Variants in CELSR3 observed in about 807,000 individuals in gnomAD.
The protein encoded by CELSR3 is EGF-like protein 1.
Under a neutral mutation model 270.0 loss-of-function variants are expected in CELSR3, and 73 were observed. The observed-to-expected ratio is 0.27, with a 90% confidence interval of 0.22 to 0.33. The LOEUF is 0.33. Ranked by LOEUF, CELSR3 falls within the 10% of genes least tolerant of loss-of-function variation. The pLI, the probability that CELSR3 is intolerant of heterozygous loss-of-function variation, is 1.00. For missense variants in CELSR3, 3,614 were observed against 4,533.8 expected (o/e 0.80, Z 5.83); for synonymous variants, 1,780 against 1,905.4 (o/e 0.93, Z 1.71).
rs2047083958 is a variant in CELSR3 at position 48,646,332 on chromosome 3, A to G, written c.7296-75T>C. Reference sequence around the variant, plus strand: ...AGCCTGCTTGCCTCACCCCGTCTTCATGCCACTCGCCAGGGCTGACCCAGG... The same window carrying G: ...AGCCTGCTTGCCTCACCCCGTCTTCGTGCCACTCGCCAGGGCTGACCCAGG... On this transcript the variant is annotated intron_variant, in intron 21 of 34. Transcript: ENST00000164024. This position sits in a 1 kb window ranked among gnomAD's most constrained non-coding sequence, Gnocchi z 4.8. The G allele has an allele frequency of 1.4e-6, 2 of 1,473,420 alleles. No individual in the cohort carries two copies. Among genetic ancestry groups the G allele is most frequent in the East Asian group, 4.8e-5 (2 of 41,364 alleles). 91.3% of individuals were successfully genotyped at this position (1,473,420 alleles called of 1,614,324 possible).
Position 48,647,980 on chromosome 3 carries a change from G to C in CELSR3, c.6990C>G (p.Arg2330=). The C allele has an allele frequency of 6.2e-7, 1 of 1,612,052 alleles. No individual in the cohort carries two copies. Among genetic ancestry groups the C allele is most frequent in the Non-Finnish European group, 8.5e-7 (1 of 1,179,664 alleles). Residue 2330 remains arginine (R), a synonymous_variant, in exon 20 of 35, where the codon CGC becomes CGG. Coordinates refer to ENST00000164024, the MANE Select transcript of CELSR3 (RefSeq NM_001407.3). ...CCCGGGGAGAACTGGGGTGCTCCAT[G>C]CGGTCAATGCTGAGCACTACCCAGG... ...VTPNIMLSID[R]MEHPSSPRGA...
Position 48,659,718 on chromosome 3 carries a change from C to T in CELSR3, c.2917G>A (p.Asp973Asn), listed in dbSNP as rs2077052452. The T allele has an allele frequency of 6.2e-7, 1 of 1,614,090 alleles. No individual in the cohort carries two copies. The highest frequency in any genetic ancestry group is 1.3e-5 in the African/African-American group (1 of 74,940). ...ASHYTGLVSEDAPPFTSVLQI... is the reference protein window; with the variant it reads ...ASHYTGLVSENAPPFTSVLQI... ...AGGACACTGGTGAAAGGTGGGGCAT[C>T]CTCAGAGACCAGCCCTGTATAGTGG... The change falls in exon 1 of 35, where the codon GAT becomes AAT. Residue 973 changes from aspartate to asparagine, a missense_variant. By Grantham distance (23) the Asp-to-Asn change is conservative (BLOSUM62 1). This residue lies in a region of CELSR3 where 1,331 missense variants were observed against 1,933.7 expected (regional missense o/e 0.69). Coordinates refer to ENST00000164024, the MANE Select transcript of CELSR3 (RefSeq NM_001407.3). The surrounding 1 kb of genome is among the most constrained non-coding windows in gnomAD (Gnocchi z 8.1).
At position 48,657,895 on chromosome 3, in the gene CELSR3, C is replaced by T. The variant is rs756261479; in HGVS notation, c.3749-547G>A. Among the ~76,000 whole-genome samples the T allele has an allele frequency of 1.3e-5, 2 of 152,206 alleles. No homozygotes were observed. The highest frequency in any genetic ancestry group is 1.5e-5 in the Non-Finnish European group (1 of 68,040). The stretch of plus-strand genomic sequence containing the variant: ...CTCTTCCATGACACTAGAAGGGGCC[C>T]TGGCCCAGTGAAGACTCAATGCCAT... On this transcript the variant is annotated intron_variant, in intron 1 of 34. Coordinates refer to ENST00000164024, the MANE Select transcript of CELSR3 (RefSeq NM_001407.3). This position sits in a 1 kb window ranked among gnomAD's most constrained non-coding sequence, Gnocchi z 5.4.
chr3:48,659,796 C>T lies in CELSR3; in HGVS notation c.2839G>A (p.Val947Met). The change falls in exon 1 of 35, where the codon GTG becomes ATG. Residue 947 changes from valine to methionine, a missense_variant. Val to Met is a conservative substitution (Grantham distance 21, BLOSUM62 1). Coordinates refer to ENST00000164024, the MANE Select transcript of CELSR3 (RefSeq NM_001407.3). This position sits in a 1 kb window ranked among gnomAD's most constrained non-coding sequence, Gnocchi z 8.1. ...TTCACGTCATTGACCATCACCTCCA[C>T]ATAAGTAGTGTCTGCCTTCTGTGGG... ...GIPQKADTTYVEVMVNDVNDN... is the reference protein window; with the variant it reads ...GIPQKADTTYMEVMVNDVNDN... The T allele has an allele frequency of 6.2e-7, 1 of 1,614,234 alleles. No individual in the cohort carries two copies. Among genetic ancestry groups the T allele is most frequent in the Non-Finnish European group, 8.5e-7 (1 of 1,180,044 alleles).
chr3:48,656,439 G>A, intron 2 of CELSR3, 74 bp from the exon 3 acceptor site: 2 of 1,311,986 alleles, frequency 1.5e-6, no homozygotes, highest in South Asian at 1.8e-5. Context: ...AAGACCGCGC[G>A]CCCAGAGGCC....
Position 48,640,653 on chromosome 3 carries a change from C to T in CELSR3, c.9026-94G>A, listed in dbSNP as rs1042143314. The T allele has an allele frequency of 7.5e-7, 1 of 1,336,308 alleles. No individual in the cohort carries two copies. Among genetic ancestry groups the T allele is most frequent in the African/African-American group, 1.5e-5 (1 of 67,542 alleles). 82.8% of individuals were successfully genotyped at this position (1,336,308 alleles called of 1,614,324 possible). The stretch of plus-strand genomic sequence containing the variant: ...CTAGGGGTGTGGCAGCCCTTGGGAT[C>T]CTTCCAACACAGGGATGGGAGCAGG... On this transcript the variant is annotated intron_variant, in intron 33 of 34. Coordinates refer to ENST00000164024, the MANE Select transcript of CELSR3 (RefSeq NM_001407.3). The surrounding 1 kb of genome is among the most constrained non-coding windows in gnomAD (Gnocchi z 7.5).
rs766281381 is a variant in CELSR3 at position 48,659,055 on chromosome 3, G to A, written c.3580C>T (p.Arg1194Cys). Residue 1194 changes from arginine to cysteine, a missense_variant, in exon 1 of 35, where the codon CGC (arginine) becomes TGC (cysteine). By Grantham distance (180) the Arg-to-Cys change is radical. Transcript: ENST00000164024. The surrounding 1 kb of genome is among the most constrained non-coding windows in gnomAD (Gnocchi z 8.1). ...ACATCGGGGTCATAAGCTGGGATGC[G>A]CCCAATAATGCCCGACGGGAAGGTG... ...SDTFPSGIIG[R>C]IPAYDPDVSD... 5.6e-6 allele frequency: 9 copies of A among 1,614,144 alleles called. No individual in the cohort carries two copies. Among genetic ancestry groups the A allele is most frequent in the South Asian group, 3.3e-5 (3 of 91,078 alleles).
rs534953847 is a variant in CELSR3 at position 48,655,679 on chromosome 3, G to A, written c.4741+57C>T. 158 of 1,436,824 alleles carry A rather than the reference G, an allele frequency of 1.1e-4. 1 individual carries two copies. The East Asian group carries it at 3.5e-3, about 32-fold the overall frequency. 89.0% of individuals were successfully genotyped at this position (1,436,824 alleles called of 1,614,324 possible). A position where few individuals can be genotyped will look rare whatever the true frequency, so the allele number is the denominator to read the frequency against. On this transcript the variant is annotated intron_variant, in intron 4 of 34. Coordinates refer to ENST00000164024, the MANE Select transcript of CELSR3 (RefSeq NM_001407.3). This position sits in a 1 kb window ranked among gnomAD's most constrained non-coding sequence, Gnocchi z 5.8. ...AGTGAAGCAAACCTGAGGGGACTTG[G>A]GCCCTGCGTCCTCCAGCACACACGC...
In CELSR3 at chr3:48,659,044, A is replaced by G; in HGVS notation, c.3591T>C (p.Ala1197=). The G allele has an allele frequency of 6.2e-7, 1 of 1,614,206 alleles. No individual in the cohort carries two copies. Among genetic ancestry groups the G allele is most frequent in the African/African-American group, 1.3e-5 (1 of 75,040 alleles). Residue 1197 remains alanine, a synonymous_variant, in exon 1 of 35, where the codon GCT becomes GCC. Coordinates refer to ENST00000164024, the MANE Select transcript of CELSR3 (RefSeq NM_001407.3). This position sits in a 1 kb window ranked among gnomAD's most constrained non-coding sequence, Gnocchi z 8.1. ...GGTGGTCGGAGACATCGGGGTCATA[A>G]GCTGGGATGCGCCCAATAATGCCCG... ...FPSGIIGRIP[A]YDPDVSDHLF... is the part of the protein sequence containing the mutation.
At chr3:48,656,025 G>A in intron 3 of CELSR3, 115 bp downstream of exon 3, 1 of 1,253,664 alleles carries the variant, frequency 8.0e-7, no homozygotes, top group Non-Finnish European at 1.1e-6. Flanking sequence ...CGGGCGGGGC[G>A]TCAGGGGAGG....
chr3:48,656,333 G>T lies in CELSR3; in HGVS notation c.4432C>A (p.Arg1478Ser), dbSNP rs771954970. Residue 1478 changes from arginine (R) to serine (S), a missense_variant, in exon 3 of 35, where the codon CGC becomes AGC. This residue lies in a region of CELSR3 where 1,331 missense variants were observed against 1,933.7 expected (regional missense o/e 0.69). Coordinates refer to ENST00000164024, the MANE Select transcript of CELSR3 (RefSeq NM_001407.3). ...EDCELDTEAGRCVPGVCRNGG... is the reference protein window; with the variant it reads ...EDCELDTEAGSCVPGVCRNGG... ...TTGCGGCAGACGCCCGGCACGCAGCGGCCGGCCTCGGTGTCCAGCTCGCAG... is the reference window on the plus strand; with the variant it reads ...TTGCGGCAGACGCCCGGCACGCAGCTGCCGGCCTCGGTGTCCAGCTCGCAG... The T allele has an allele frequency of 9.5e-5, 137 of 1,439,410 alleles. No individual in the cohort carries two copies. The highest frequency in any genetic ancestry group is 1.2e-4 in the Non-Finnish European group (131 of 1,110,442). The allele number at this position is 1,439,410 out of a possible 1,614,324, so 89.2% of individuals were successfully genotyped here.
At position 48,659,349 on chromosome 3, in the gene CELSR3, C is replaced by T. The variant is rs144228630; in HGVS notation, c.3286G>A (p.Glu1096Lys). 17 of 1,614,048 alleles carry T rather than the reference C, an allele frequency of 1.1e-5. No homozygotes were observed. Among genetic ancestry groups the T allele is most frequent in the African/African-American group, 6.7e-5 (5 of 74,902 alleles). The change falls in exon 1 of 35, where the codon GAA becomes AAA. Residue 1096 changes from glutamate to lysine, a missense_variant. By Grantham distance (56) the Glu-to-Lys change is moderately conservative. This residue lies in a region of CELSR3 where 1,331 missense variants were observed against 1,933.7 expected (regional missense o/e 0.69). Transcript: ENST00000164024. The surrounding 1 kb of genome is among the most constrained non-coding windows in gnomAD (Gnocchi z 8.1). ...TACATTATATGGGCATTGGGGCCTT[C>T]GTCAGGGTCCACTGCAGTGATCTGG... Reference protein sequence around the residue: ...VAQITAVDPDEGPNAHIMYQI... With the variant: ...VAQITAVDPDKGPNAHIMYQI...
In CELSR3 at chr3:48,662,020, A is replaced by G. The variant is rs762855575; in HGVS notation, c.615T>C (p.Cys205=). The change falls in exon 1 of 35, where the codon TGT becomes TGC. Residue 205 remains cysteine (C), a synonymous_variant. Coordinates refer to ENST00000164024, the MANE Select transcript of CELSR3 (RefSeq NM_001407.3). The surrounding 1 kb of genome is among the most constrained non-coding windows in gnomAD (Gnocchi z 7.1). The part of the protein sequence containing the change: ...SRKRVGTARC[C]GELWATGSKG... ...TGCTCCCTGTTGCCCATAATTCCCC[A>G]CAGCAGCGCGCGGTGCCCACTCTTT... 6.2e-7 allele frequency: 1 copy of G among 1,613,744 alleles called. No individual in the cohort carries two copies. The highest frequency in any genetic ancestry group is 1.7e-5 in the Admixed American group (1 of 60,002).
rs1197078657 is a variant in CELSR3, at chr3:48,642,452, AACCAGG to A, written c.8565_8570del (p.Leu2856_Val2857del). The A allele has an allele frequency of 6.2e-7, 1 of 1,613,018 alleles. No homozygotes were observed. The stretch of plus-strand genomic sequence containing the variant: ...TGTGGTCAGCGGCTGAGCCATGTCG[AACCAGG>A]ACATTGTCCCTGGAAAAGCAGGAGC... On this transcript the variant is annotated inframe_deletion, in exon 31 of 35. Coordinates refer to ENST00000164024, the MANE Select transcript of CELSR3 (RefSeq NM_001407.3). The surrounding 1 kb of genome is among the most constrained non-coding windows in gnomAD (Gnocchi z 6.1).
chr3:48,651,071 A>C lies in CELSR3; in HGVS notation c.6191T>G (p.Phe2064Cys), dbSNP rs1174475197. The C allele has an allele frequency of 6.4e-7, 1 of 1,558,702 alleles. No homozygotes were observed. Among genetic ancestry groups the C allele is most frequent in the Non-Finnish European group, 8.7e-7 (1 of 1,152,872 alleles). ...GTCACTGCCCCGCGGTCGGTAGTGG[A>C]ACTCCTGTTTGAGGATGGGCCAGGG... ...KTNGQCHCKE[F>C]HYRPRGSDSC... is the part of the protein sequence containing the mutation. Residue 2064 changes from phenylalanine (F) to cysteine (C), a missense_variant, in exon 15 of 35, where the codon TTC becomes TGC. Phe to Cys is a radical substitution (Grantham distance 205). Transcript: ENST00000164024. The surrounding 1 kb of genome is among the most constrained non-coding windows in gnomAD (Gnocchi z 7.4).
At position 48,660,293 on chromosome 3, in the gene CELSR3, A is replaced by T; in HGVS notation, c.2342T>A (p.Val781Glu). 1.9e-6 allele frequency: 3 copies of T among 1,614,092 alleles called. No individual in the cohort carries two copies. The highest frequency in any genetic ancestry group is 2.5e-6 in the Non-Finnish European group (3 of 1,180,020). Residue 781 changes from valine to glutamate, a missense_variant, in exon 1 of 35, where the codon GTA becomes GAA. Val to Glu is a moderately radical substitution (Grantham distance 121). This residue lies in a region of CELSR3 where 215 missense variants were observed against 241.2 expected (regional missense o/e 0.89). Transcript: ENST00000164024. The surrounding 1 kb of genome is among the most constrained non-coding windows in gnomAD (Gnocchi z 5.5). ...GATGGCACTGTTGGCATCACGGTCTACTGCGGTCACGCTGACCACACTGGT... is the reference window on the plus strand; with the variant it reads ...GATGGCACTGTTGGCATCACGGTCTTCTGCGGTCACGCTGACCACACTGGT... ...VGTSVVSVTA[V>E]DRDANSAISY...
chr3:48,646,839 T>C lies in CELSR3; in HGVS notation c.7219A>G (p.Ile2407Val). The stretch of plus-strand genomic sequence containing the variant: ...GTGCGGTAAACGAGGAGAATGATAA[T>C]GGAGATCCCAGGCTCTGGCTCTGGC... ...APPEPEPGIS[I>V]IILLVYRTLG... Residue 2407 changes from isoleucine (I) to valine (V), a missense_variant, in exon 21 of 35, where the codon ATT (isoleucine) becomes GTT (valine). Transcript: ENST00000164024. This position sits in a 1 kb window ranked among gnomAD's most constrained non-coding sequence, Gnocchi z 4.8. The C allele has an allele frequency of 6.2e-7, 1 of 1,602,530 alleles. No homozygotes were observed. Among genetic ancestry groups the C allele is most frequent in the South Asian group, 1.1e-5 (1 of 90,018 alleles).
At position 48,644,896 on chromosome 3, in the gene CELSR3, G is replaced by A. The variant is rs538726187; in HGVS notation, c.7973-68C>T. 2 of 1,526,124 alleles carry A rather than the reference G, an allele frequency of 1.3e-6. No homozygotes were observed. The highest frequency in any genetic ancestry group is 1.8e-5 in the Admixed American group (1 of 56,416). The allele number at this position is 1,526,124 out of a possible 1,614,324, so 94.5% of individuals were successfully genotyped here. On this transcript the variant is annotated intron_variant, in intron 25 of 34. Transcript: ENST00000164024. The surrounding 1 kb of genome is among the most constrained non-coding windows in gnomAD (Gnocchi z 4.8). Reference sequence around the variant, plus strand: ...GCTGCTGACCAGCCCATGTATGGGAGAAAGCATGGGTGAGGGCAGAGCAGC... The same window carrying A: ...GCTGCTGACCAGCCCATGTATGGGAAAAAGCATGGGTGAGGGCAGAGCAGC...
chr3:48,656,377 G>A lies in CELSR3; in HGVS notation c.4400-12C>T, dbSNP rs1162609626. The A allele has an allele frequency of 5.0e-6, 7 of 1,404,026 alleles. No individual in the cohort carries two copies. Among genetic ancestry groups the A allele is most frequent in the Non-Finnish European group, 5.5e-6 (6 of 1,092,346 alleles). 87.0% of individuals were successfully genotyped at this position (1,404,026 alleles called of 1,614,324 possible). On this transcript the variant is annotated splice_polypyrimidine_tract_variant and intron_variant, in intron 2 of 34. Transcript: ENST00000164024. ...CTCGCAGTCCTCTCCTGGGGGCCAAGCCGCGGTCAGAGGCGGTCACGCCCA... is the reference window on the plus strand; with the variant it reads ...CTCGCAGTCCTCTCCTGGGGGCCAAACCGCGGTCAGAGGCGGTCACGCCCA...
Sources: gnomAD v4.1 joint callset for allele counts (sites outside exome capture counted in the v4.1 genomes callset) on GRCh38, gnomAD v4.1.1 for gene constraint, gnomAD v4.1.1 regional missense constraint, Gnocchi (gnomAD v3.1) non-coding constraint, MANE v1.5 for transcripts, NCBI Gene and HGNC (gene_info 2026-07-23, HGNC 2026-07-21) for gene names.